Variants in SNTG1 observed in about 807,000 individuals in gnomAD.
The protein encoded by SNTG1 is gamma-1-syntrophin.
Under a neutral mutation model 74.7 loss-of-function variants are expected in SNTG1, and 39 were observed. The observed-to-expected ratio is 0.52, with a 90% confidence interval of 0.40 to 0.68. SNTG1 has a LOEUF of 0.68. Ranked by LOEUF, SNTG1 falls within the 30% of genes least tolerant of loss-of-function variation. SNTG1 has a pLI of 0.00. For synonymous variants in SNTG1, 254 were observed against 217.1 expected (o/e 1.17, Z -1.49); for missense variants, 685 against 609.5 (o/e 1.12, Z -1.30).
At chr8:50,474,389 A>C (rs1471800656) in intron 8 of SNTG1, among the ~76,000 whole-genome samples, 12 of 151,896 alleles carry the variant, frequency 7.9e-5, no homozygotes, top group Non-Finnish European at 1.5e-4. Context: ...GAAAAAAAAA[A>C]AACAACCCCA....
At chr8:50,480,655 T>A (rs2093732743) in intron 8 of SNTG1, among the ~76,000 whole-genome samples, 1 of 152,228 alleles carries the variant, frequency 6.6e-6, no homozygotes, top group Non-Finnish European at 1.5e-5. Context: ...TTTAAAGTGT[T>A]TCTTTCACAG....
chr8:50,179,027 G>T lies in SNTG1; in HGVS notation c.-28+6392G>T, dbSNP rs890772293. ...GAGTTGATTTTTGTGTGTTGTATAAGAGTCCAGTTTCACTCTTTTGAGTAC... is the reference window on the plus strand; with the variant it reads ...GAGTTGATTTTTGTGTGTTGTATAATAGTCCAGTTTCACTCTTTTGAGTAC... On this transcript the variant is annotated intron_variant, in intron 2 of 18. Coordinates refer to ENST00000642720, the MANE Select transcript of SNTG1 (RefSeq NM_018967.5). Among the ~76,000 whole-genome samples, 4 of 152,120 alleles carry T rather than the reference G, an allele frequency of 2.6e-5. No homozygotes were observed. The South Asian group carries it at 8.3e-4, about 31-fold the overall frequency.
At chr8:50,334,140 G>A (rs1237720284) in intron 2 of SNTG1, among the ~76,000 whole-genome samples, 1 of 152,074 alleles carries the variant, frequency 6.6e-6, no homozygotes, top group Non-Finnish European at 1.5e-5. Context: ...CAGGTATTCT[G>A]CCCTCCTCGG....
At chr8:50,615,708 T>C (rs1563650467) in intron 13 of SNTG1, among the ~76,000 whole-genome samples, 1 of 152,218 alleles carries the variant, frequency 6.6e-6, no homozygotes, top group Non-Finnish European at 1.5e-5. Context: ...TAAAGAATTT[T>C]ACCTAGATAT....
intron 1 of SNTG1, among the ~76,000 whole-genome samples, chr8:50,153,096 G>C (rs187131835): frequency 1.8e-4 from 27 of 152,268 alleles, no homozygotes; most frequent in Non-Finnish European, 3.2e-4. Context: ...TGGAGGCCTT[G>C]TTCGTTTCTT....
intron 2 of SNTG1, among the ~76,000 whole-genome samples, chr8:50,363,166 C>T (rs1187235645): frequency 2.0e-5 from 3 of 152,086 alleles, no homozygotes; most frequent in Non-Finnish European, 2.9e-5. Flanking sequence ...ACTAAATCAT[C>T]GACACTTTAG....
chr8:50,292,864 C>A (rs1177975164), intron 2 of SNTG1, among the ~76,000 whole-genome samples: 1 of 152,116 alleles, frequency 6.6e-6, no homozygotes, highest in Admixed American at 6.6e-5. Flanking sequence ...AAGTTTATAA[C>A]ATAAGAAGAG....
chr8:50,604,813 G>A (rs2094800755), intron 13 of SNTG1, among the ~76,000 whole-genome samples: 1 of 152,080 alleles, frequency 6.6e-6, no homozygotes, highest in African/African-American at 2.4e-5. Context: ...CAAGCAAAAG[G>A]ATTCTTTCAC....
chr8:49,956,686 T>C (rs318889), intron 1 of SNTG1, among the ~76,000 whole-genome samples: 1 of 152,100 alleles, frequency 6.6e-6, no homozygotes, highest in Non-Finnish European at 1.5e-5. Context: ...TCTTTTTTTT[T>C]AATTTTATTT....
Position 50,347,421 on chromosome 8 carries a change from C to T in SNTG1, c.-27-46791C>T, listed in dbSNP as rs2091514122. Reference sequence around the variant, plus strand: ...AAACATTACTTTCAAAATATTACTGCTCATTGACAATGAACTTGATCACCC... The same window carrying T: ...AAACATTACTTTCAAAATATTACTGTTCATTGACAATGAACTTGATCACCC... On this transcript the variant is annotated intron_variant, in intron 2 of 18. Coordinates refer to ENST00000642720, the MANE Select transcript of SNTG1 (RefSeq NM_018967.5). Among the ~76,000 whole-genome samples, 2 of 152,198 alleles carry T rather than the reference C, an allele frequency of 1.3e-5. 1 individual carries two copies. Among genetic ancestry groups the T allele is most frequent in the African/African-American group, 4.8e-5 (2 of 41,448 alleles).
intron 17 of SNTG1, among the ~76,000 whole-genome samples, chr8:50,741,273 C>A (rs1364181806): frequency 1.3e-5 from 2 of 151,934 alleles, no homozygotes; most frequent in African/African-American, 4.8e-5. Flanking sequence ...CAGGTGTGTG[C>A]CACCAGTCCT....
chr8:50,105,641 C>T lies in SNTG1; in HGVS notation c.-102-66920C>T, dbSNP rs370252182. On this transcript the variant is annotated intron_variant, in intron 1 of 18. Coordinates refer to ENST00000642720, the MANE Select transcript of SNTG1 (RefSeq NM_018967.5). ...GCTTTGTGCAGTATGGCCATTTTGA[C>T]AGCATCAATTCTTCCTATTCATGAG... Among the ~76,000 whole-genome samples the T allele has an allele frequency of 3.5e-4, 53 of 152,156 alleles. No individual in the cohort carries two copies. In the East Asian group the frequency reaches 3.7e-3, roughly 11 times the overall value.
At chr8:50,049,402 G>A (rs1182983180) in intron 1 of SNTG1, among the ~76,000 whole-genome samples, 1 of 152,090 alleles carries the variant, frequency 6.6e-6, no homozygotes, top group African/African-American at 2.4e-5. Context: ...TATAAAGGAG[G>A]TCATTATTAT....
At chr8:50,623,747 A>G (rs74681713) in intron 13 of SNTG1, among the ~76,000 whole-genome samples, 5,717 of 152,122 alleles carry the variant, frequency 0.038, 178 homozygotes, top group African/African-American at 0.076. Flanking sequence ...GTTGAAAAAT[A>G]CATACAAATA....
chr8:50,139,493 A>G (rs998565505), intron 1 of SNTG1, among the ~76,000 whole-genome samples: 1 of 152,220 alleles, frequency 6.6e-6, no homozygotes, highest in Non-Finnish European at 1.5e-5. Flanking sequence ...TTAACCTAGA[A>G]AACAGAATGC....
chr8:50,191,664 C>A (rs1287400115), intron 2 of SNTG1, among the ~76,000 whole-genome samples: 1 of 152,054 alleles, frequency 6.6e-6, no homozygotes, highest in African/African-American at 2.4e-5. Flanking sequence ...AACCTGTCAA[C>A]CCATCACCTA....
At chr8:50,545,803 G>A (rs549394604) in intron 11 of SNTG1, among the ~76,000 whole-genome samples, 1 of 152,096 alleles carries the variant, frequency 6.6e-6, no homozygotes, top group Non-Finnish European at 1.5e-5. Flanking sequence ...ATGGTGACAG[G>A]TTTGGCACTG....
intron 2 of SNTG1, among the ~76,000 whole-genome samples, chr8:50,234,166 T>C (rs2085774569): frequency 6.6e-6 from 1 of 151,958 alleles, no homozygotes. Flanking sequence ...TTCTAAATAG[T>C]TGAATGATTA....
intron 1 of SNTG1, among the ~76,000 whole-genome samples, chr8:49,991,064 G>GAAT (rs1229101763): frequency 6.6e-6 from 1 of 152,110 alleles, no homozygotes; most frequent in African/African-American, 2.4e-5. Context: ...CTTGTATACA[G>GAAT]AATACATGAA....
Sources: allele counts gnomAD v4.1 joint callset (sites outside exome capture counted in the v4.1 genomes callset), GRCh38; gene constraint gnomAD v4.1.1; transcripts MANE v1.5; gene names NCBI Gene and HGNC (gene_info 2026-07-23, HGNC 2026-07-21).